The following LRMDA variants were observed in gnomAD, a reference collection of about 807,000 sequenced individuals.
The protein encoded by LRMDA is leucine-rich melanocyte differentiation-associated protein.
A neutral mutation model predicts 29.8 loss-of-function variants in LRMDA; 18 were observed. That is an observed-to-expected ratio of 0.60 (90% CI 0.42 to 0.90). LRMDA has a LOEUF of 0.90. LRMDA is among the 40% of genes least tolerant of loss of function. The pLI, the probability that LRMDA is intolerant of heterozygous loss-of-function variation, is 0.00. For missense variants in LRMDA, 273 were observed against 273.9 expected (o/e 1.00, Z 0.02); for synonymous variants, 125 against 109.4 (o/e 1.14, Z -0.89).
intron 2 of LRMDA, among the ~76,000 whole-genome samples, chr10:75,716,025 T>C (rs1842495896): frequency 6.6e-6 from 1 of 152,202 alleles, no homozygotes; most frequent in East Asian, 1.9e-4. Flanking sequence ...AGAAGAGGCA[T>C]GCTGGAAGAT....
chr10:76,347,145 C>G (rs1341567252), intron 6 of LRMDA, among the ~76,000 whole-genome samples: 1 of 152,070 alleles, frequency 6.6e-6, no homozygotes, highest in Non-Finnish European at 1.5e-5. Flanking sequence ...TCTTGCATAT[C>G]CCCTTTATTA....
chr10:75,691,066 A>G lies in LRMDA; in HGVS notation c.131+252572A>G, dbSNP rs1338639927. Among the ~76,000 whole-genome samples the G allele has an allele frequency of 3.9e-5, 5 of 127,208 alleles. No individual in the cohort carries two copies. The East Asian group carries it at 8.8e-4, about 22-fold the overall frequency. 83.5% of individuals were successfully genotyped at this position (127,208 alleles called of 152,430 possible). ...CAGATGTGGCAGATATATATCTGCCATAGATATATAGATCTATATATCTAT... is the reference window on the plus strand; with the variant it reads ...CAGATGTGGCAGATATATATCTGCCGTAGATATATAGATCTATATATCTAT... On this transcript the variant is annotated intron_variant, in intron 2 of 6. Transcript: ENST00000611255.
chr10:75,944,806 C>T (rs1395006687), intron 2 of LRMDA, among the ~76,000 whole-genome samples: 1 of 149,660 alleles, frequency 6.7e-6, no homozygotes. Context: ...TTTTAGTTTC[C>T]ACATTTTCTT....
chr10:75,905,262 T>C (rs1845740178), intron 2 of LRMDA, among the ~76,000 whole-genome samples: 1 of 149,192 alleles, frequency 6.7e-6, no homozygotes, highest in Non-Finnish European at 1.5e-5. Flanking sequence ...TTTTAAATCA[T>C]AGACCCTCTA....
intron 2 of LRMDA, among the ~76,000 whole-genome samples, chr10:75,789,297 T>G (rs1296711307): frequency 9.8e-5 from 15 of 152,342 alleles, no homozygotes; most frequent in Middle Eastern, 3.4e-3. Context: ...TGGCAGGTTG[T>G]AAACCCACAG....
At chr10:76,009,639 G>A (rs1235881000) in intron 2 of LRMDA, among the ~76,000 whole-genome samples, 1 of 152,164 alleles carries the variant, frequency 6.6e-6, no homozygotes, top group Non-Finnish European at 1.5e-5. Context: ...AGCCTAGGGG[G>A]AACCTCCCAG....
intron 6 of LRMDA, among the ~76,000 whole-genome samples, chr10:76,506,897 T>C (rs991210505): frequency 3.3e-5 from 5 of 152,130 alleles, no homozygotes; most frequent in African/African-American, 1.2e-4. Flanking sequence ...ATCTTGGCTA[T>C]GGTGAATAGT....
At chr10:76,406,318 C>T (rs1201835388) in intron 6 of LRMDA, among the ~76,000 whole-genome samples, 1 of 152,162 alleles carries the variant, frequency 6.6e-6, no homozygotes, top group Non-Finnish European at 1.5e-5. Context: ...AAACTGTTAA[C>T]ATATCAAAGG....
At chr10:75,892,313 C>T (rs1315403366) in intron 2 of LRMDA, among the ~76,000 whole-genome samples, 1 of 152,214 alleles carries the variant, frequency 6.6e-6, no homozygotes, top group Non-Finnish European at 1.5e-5. Flanking sequence ...GGACTCCACA[C>T]TGACTGGGAT....
chr10:76,164,383 C>T (rs554204919), intron 5 of LRMDA, among the ~76,000 whole-genome samples: 18 of 152,254 alleles, frequency 1.2e-4, no homozygotes, highest in African/African-American at 2.9e-4. Context: ...TGAGTAGTCT[C>T]GAGAAAGACA....
chr10:75,817,273 C>T (rs1232516342), intron 2 of LRMDA, among the ~76,000 whole-genome samples: 2 of 152,198 alleles, frequency 1.3e-5, no homozygotes, highest in Non-Finnish European at 2.9e-5. Flanking sequence ...TTAGAAGGAG[C>T]CACATTTTGT....
intron 2 of LRMDA, among the ~76,000 whole-genome samples, chr10:75,799,112 C>T (rs1843703419): frequency 6.6e-6 from 1 of 152,170 alleles, no homozygotes; most frequent in African/African-American, 2.4e-5. Context: ...TTAAGAGTTT[C>T]TGTGAGTTCT....
At chr10:75,769,153 T>C (rs1407393280) in intron 2 of LRMDA, among the ~76,000 whole-genome samples, 1 of 152,232 alleles carries the variant, frequency 6.6e-6, no homozygotes, top group Non-Finnish European at 1.5e-5. Context: ...GAAGTTTAAC[T>C]CTGAGGACAG....
chr10:75,974,813 TAGTG>T (rs1456569068), intron 2 of LRMDA, among the ~76,000 whole-genome samples: 3 of 152,310 alleles, frequency 2.0e-5, no homozygotes, highest in African/African-American at 7.2e-5. Context: ...ACCTGGCACA[TAGTG>T]AGAGTTTACT....
intron 5 of LRMDA, among the ~76,000 whole-genome samples, chr10:76,078,641 C>T (rs1849000654): frequency 6.6e-6 from 1 of 152,022 alleles, no homozygotes; most frequent in African/African-American, 2.4e-5. Context: ...CGAGACCATC[C>T]TGGCTAACAC....
intron 6 of LRMDA, among the ~76,000 whole-genome samples, chr10:76,451,082 G>A (rs1215879824): frequency 6.6e-6 from 1 of 152,158 alleles, no homozygotes; most frequent in Non-Finnish European, 1.5e-5. Flanking sequence ...CAACAAGCAG[G>A]TTCTGTGGCA....
chr10:75,833,946 G>A (rs937320393), intron 2 of LRMDA, among the ~76,000 whole-genome samples: 1 of 152,146 alleles, frequency 6.6e-6, no homozygotes, highest in Non-Finnish European at 1.5e-5. Context: ...GAATAATTCT[G>A]TGTGGCTTGA....
At chr10:75,852,939 A>AT (rs1844757713) in intron 2 of LRMDA, among the ~76,000 whole-genome samples, 1 of 152,186 alleles carries the variant, frequency 6.6e-6, no homozygotes, top group African/African-American at 2.4e-5. Context: ...ACTTACAATC[A>AT]TGTCAAAAGG....
chr10:75,764,336 A>C (rs936672365), intron 2 of LRMDA, among the ~76,000 whole-genome samples: 1 of 152,342 alleles, frequency 6.6e-6, no homozygotes, highest in Non-Finnish European at 1.5e-5. Context: ...GGTGCAAAGC[A>C]TTCTAAACTG....
Sources: gnomAD v4.1 joint callset for allele counts (sites outside exome capture counted in the v4.1 genomes callset) on GRCh38, gnomAD v4.1.1 for gene constraint, MANE v1.5 for transcripts, NCBI Gene and HGNC (gene_info 2026-07-23, HGNC 2026-07-21) for gene names.